The following GOT2 variants were observed in gnomAD, a reference collection of about 807,000 sequenced individuals.
GOT2 encodes the protein glutamic-oxaloacetic transaminase 2.
A neutral mutation model predicts 50.0 loss-of-function variants in GOT2; 17 were observed. That is an observed-to-expected ratio of 0.34 (90% CI 0.23 to 0.51). The LOEUF is 0.51. Among genes scored for constraint, GOT2 ranks in the 20% least tolerant of loss-of-function variants. GOT2 has a pLI of 0.97. For synonymous variants in GOT2, 172 were observed against 204.9 expected, an observed-to-expected ratio of 0.84 and a Z score of 1.37; for missense variants, 430 against 559.6, an observed-to-expected ratio of 0.77 and a Z score of 2.34.
chr16:58,722,561 G>A (rs1358790710), intron 2 of GOT2, among the ~76,000 whole-genome samples: 1 of 151,802 alleles, frequency 6.6e-6, no homozygotes, highest in Admixed American at 6.6e-5. Flanking sequence ...GTAGATACGG[G>A]GTTTCACTAT....
At chr16:58,732,702 A>G (rs1322671554) in intron 1 of GOT2, among the ~76,000 whole-genome samples, 1 of 152,250 alleles carries the variant, frequency 6.6e-6, no homozygotes, top group Admixed American at 6.5e-5. Flanking sequence ...AAGAATGACT[A>G]ACCCTGACCC....
At chr16:58,727,243 C>G (rs1055015093) in intron 1 of GOT2, among the ~76,000 whole-genome samples, 2 of 152,198 alleles carry the variant, frequency 1.3e-5, no homozygotes, top group Non-Finnish European at 2.9e-5. Flanking sequence ...ATCCTCCCAC[C>G]TCAGCCTTTC....
At position 58,709,089 on chromosome 16, in the gene GOT2, ATG is replaced by A. The variant is rs578160457; in HGVS notation, c.1170+326_1170+327del. Reference sequence around the variant, plus strand: ...CAAGCCCGGGCAACATGGCGAAACTATGTCTCCACAAAAAATACAAAAATTAG... The same window carrying A: ...CAAGCCCGGGCAACATGGCGAAACTATCTCCACAAAAAATACAAAAATTAG... On this transcript the variant is annotated intron_variant, in intron 9 of 9. Transcript: ENST00000245206. The A allele has an allele frequency of 4.7e-3, 868 of 184,740 alleles. 10 individuals carry two copies. The highest frequency in any genetic ancestry group is 0.019 in the African/African-American group (801 of 42,210). The allele number at this position is 184,740 out of a possible 1,614,324, so 11.4% of individuals were successfully genotyped here.
rs1304481662 is a variant in GOT2, at chr16:58,718,284, C to T, written c.614G>A (p.Ser205Asn). The change falls in exon 6 of 10, where the codon AGT (serine) becomes AAT (asparagine). Residue 205 changes from serine to asparagine, a missense_variant. By Grantham distance (46) the Ser-to-Asn change is conservative. Coordinates refer to ENST00000245206, the MANE Select transcript of GOT2 (RefSeq NM_002080.4). ...GGCGCAGGCATGCAGAAGAAGAACA[C>T]TCTGCTCTGGTATTTTCTAAAGAGA... ...VEDISKIPEQ[S>N]VLLLHACAHN... The T allele has an allele frequency of 5.6e-6, 9 of 1,613,154 alleles. No individual in the cohort carries two copies. The highest frequency in any genetic ancestry group is 7.6e-6 in the Non-Finnish European group (9 of 1,179,066).
Position 58,734,248 on chromosome 16 carries a change from G to A in GOT2, c.-20C>T. ...GGCCATGGTGGACCGTAGGAGGGCA[G>A]TGGGCAGCCGCAGGACGGAGCAGAG... On this transcript the variant is annotated 5_prime_UTR_variant, in exon 1 of 10. Coordinates refer to ENST00000245206, the MANE Select transcript of GOT2 (RefSeq NM_002080.4). 3.1e-6 allele frequency: 4 copies of A among 1,275,096 alleles called. No homozygotes were observed. The South Asian group carries it at 1.2e-4, about 37-fold the overall frequency. 79.0% of individuals were successfully genotyped at this position (1,275,096 alleles called of 1,614,324 possible).
chr16:58,710,026 G>A (rs2044633459), intron 8 of GOT2, among the ~76,000 whole-genome samples: 1 of 151,992 alleles, frequency 6.6e-6, no homozygotes, highest in Admixed American at 6.6e-5. Flanking sequence ...AGTATGCTAG[G>A]GTAAGCTATG....
In GOT2 at chr16:58,718,620, G is replaced by A. The variant is rs376253394; in HGVS notation, c.504C>T (p.Ile168=). The A allele has an allele frequency of 4.3e-6, 7 of 1,611,194 alleles. No homozygotes were observed. The highest frequency in any genetic ancestry group is 5.9e-6 in the Non-Finnish European group (7 of 1,178,434). The part of the protein sequence containing the change: ...PKPTWGNHTP[I]FRDAGMQLQG... ...GTAGCTGCATGCCAGCATCCCTGAA[G>A]ATGGGTGTGTGGTTTCCCCAGGTTG... Residue 168 remains isoleucine (I), a synonymous_variant, in exon 5 of 10, where the codon ATC becomes ATT. Coordinates refer to ENST00000245206, the MANE Select transcript of GOT2 (RefSeq NM_002080.4).
At chr16:58,708,407 C>T in intron 9 of GOT2, 114 bp from the exon 10 acceptor site, 2 of 1,021,352 alleles carry the variant, frequency 2.0e-6, no homozygotes, top group Non-Finnish European at 2.8e-6. Context: ...AAAACCTGTT[C>T]CCAGAATTTG....
At chr16:58,715,993 G>T in intron 8 of GOT2, 21 bp downstream of exon 8, 1 of 1,590,296 alleles carries the variant, frequency 6.3e-7, no homozygotes, top group Non-Finnish European at 8.6e-7. Context: ...TAGGTGGCTG[G>T]GGAGTGGCAT....
At position 58,708,223 on chromosome 16, in the gene GOT2, G is replaced by A. The variant is rs762847476; in HGVS notation, c.1241C>T (p.Thr414Ile). 2.5e-6 allele frequency: 4 copies of A among 1,614,106 alleles called. No homozygotes were observed. In the Admixed American group the frequency reaches 5.0e-5, roughly 20 times the overall value. ...GGCAAGGTAGCCCACGTTGCTGGAG[G>A]TGACCCCTGCCACAGAGATGCGGCC... is the stretch of plus-strand genomic sequence containing the variant. ...KDGRISVAGV[T>I]SSNVGYLAHA... The change falls in exon 10 of 10, where the codon ACC (threonine) becomes ATC (isoleucine). Residue 414 changes from threonine to isoleucine, a missense_variant. Physicochemically the swap from Thr to Ile is moderately conservative, Grantham distance 89 (BLOSUM62 -1). Transcript: ENST00000245206.
At position 58,718,261 on chromosome 16, in the gene GOT2, C is replaced by T. The variant is rs961546110; in HGVS notation, c.637G>A (p.Ala213Thr). 1.9e-6 allele frequency: 3 copies of T among 1,614,006 alleles called. No homozygotes were observed. Among genetic ancestry groups the T allele is most frequent in the Middle Eastern group, 1.7e-4 (1 of 6,060 alleles). The change falls in exon 6 of 10, where the codon GCC becomes ACC. Residue 213 changes from alanine (A) to threonine (T), a missense_variant. By Grantham distance (58) the Ala-to-Thr change is moderately conservative (BLOSUM62 0). Transcript: ENST00000245206. ...GGGTCCACTCCCGTGGGATTGTGGG[C>T]GCAGGCATGCAGAAGAAGAACACTC... is the stretch of plus-strand genomic sequence containing the variant. Reference protein sequence around the residue: ...EQSVLLLHACAHNPTGVDPRP... With the variant: ...EQSVLLLHACTHNPTGVDPRP...
chr16:58,715,968 AGT>A, intron 8 of GOT2, 44 bp downstream of exon 8: 2 of 1,451,190 alleles, frequency 1.4e-6, no homozygotes, highest in Admixed American at 2.0e-5. Context: ...TTGAAGGAGC[AGT>A]GGTGGGAACA....
chr16:58,718,723 A>T, intron 4 of GOT2, 35 bp from the exon 5 acceptor site: 1 of 1,519,594 alleles, frequency 6.6e-7, no homozygotes, highest in East Asian at 2.3e-5. Context: ...AGAAAAATGA[A>T]CAAAGGAGAG....
chr16:58,725,927 C>T (rs1365378781), intron 1 of GOT2, among the ~76,000 whole-genome samples: 1 of 152,114 alleles, frequency 6.6e-6, no homozygotes, highest in Admixed American at 6.5e-5. Flanking sequence ...ATCTTTAGAT[C>T]CTGTTATACT....
chr16:58,718,601 G>A lies in GOT2; in HGVS notation c.523C>T (p.Gln175Ter). 1.2e-6 allele frequency: 2 copies of A among 1,611,390 alleles called. No individual in the cohort carries two copies. Among genetic ancestry groups the A allele is most frequent in the South Asian group, 1.1e-5 (1 of 90,772 alleles). The change falls in exon 5 of 10, where the codon CAG (glutamine) becomes TAG (stop). Residue 175 changes from glutamine to a stop codon, truncating the protein, a stop_gained. Coordinates refer to ENST00000245206, the MANE Select transcript of GOT2 (RefSeq NM_002080.4). LOFTEE classifies it high-confidence loss of function. The part of the protein sequence containing the change: ...HTPIFRDAGM[Q>*]LQGYRYYDPK... ...TCATAATACCGATAACCTTGTAGCT[G>A]CATGCCAGCATCCCTGAAGATGGGT...
intron 1 of GOT2, among the ~76,000 whole-genome samples, chr16:58,728,424 A>T (rs1388377725): frequency 1.3e-5 from 2 of 152,166 alleles, no homozygotes; most frequent in Non-Finnish European, 2.9e-5. Context: ...AGAGTGCCTG[A>T]TGTTCGCTAA....
At chr16:58,726,919 C>T (rs1301547664) in intron 1 of GOT2, among the ~76,000 whole-genome samples, 7 of 151,886 alleles carry the variant, frequency 4.6e-5, no homozygotes, top group South Asian at 4.2e-4. Flanking sequence ...TTTGGGAAGC[C>T]GAAGTAGGCG....
At chr16:58,725,892 A>G (rs1407803625) in intron 1 of GOT2, among the ~76,000 whole-genome samples, 1 of 152,264 alleles carries the variant, frequency 6.6e-6, no homozygotes, top group Admixed American at 6.5e-5. Context: ...GTATTGGTCT[A>G]AAGCAGCAAT....
chr16:58,712,530 A>ACAG (rs1678226906), intron 8 of GOT2, among the ~76,000 whole-genome samples: 1 of 151,590 alleles, frequency 6.6e-6, no homozygotes, highest in Non-Finnish European at 1.5e-5. Context: ...AAGAACAACA[A>ACAG]CAACAACAAC....
Sources: gnomAD v4.1 joint callset for allele counts (sites outside exome capture counted in the v4.1 genomes callset) on GRCh38, gnomAD v4.1.1 for gene constraint, MANE v1.5 for transcripts, NCBI Gene and HGNC (gene_info 2026-07-23, HGNC 2026-07-21) for gene names.